Variants in SLC4A8 observed in about 807,000 individuals in gnomAD.
SLC4A8 encodes the protein electroneutral sodium bicarbonate exchanger 1.
Under a neutral mutation model 125.0 loss-of-function variants are expected in SLC4A8, and 40 were observed. The ratio of observed to expected loss-of-function variants is 0.32; its 90% CI spans 0.25 to 0.42. SLC4A8 has a LOEUF of 0.42. SLC4A8 is among the 10% of genes least tolerant of loss of function. The probability of loss-of-function intolerance (pLI) is 1.00; values close to 1 mark genes in which losing one functional copy is unlikely to be tolerated. For missense variants in SLC4A8, 863 were observed against 1,355.1 expected (o/e 0.64, Z 5.70); for synonymous variants, 456 against 476.0 (o/e 0.96, Z 0.55).
In SLC4A8 at chr12:51,471,415, C is replaced by T. The variant is rs757362096; in HGVS notation, c.1787C>T (p.Ala596Val). ...VCYITRFTEE[A>V]FASLICIIFI... is the part of the protein sequence containing the mutation. The stretch of plus-strand genomic sequence containing the variant: ...TACATTACCCGTTTCACTGAAGAAG[C>T]ATTTGCCTCCCTAATTTGCATTATT... The change falls in exon 14 of 25, where the codon GCA becomes GTA. Residue 596 changes from alanine (A) to valine (V), a missense_variant. By Grantham distance (64) the Ala-to-Val change is moderately conservative. Coordinates refer to ENST00000453097, the MANE Select transcript of SLC4A8 (RefSeq NM_001039960.3). 2 of 1,614,184 alleles carry T rather than the reference C, an allele frequency of 1.2e-6. No individual in the cohort carries two copies. The highest frequency in any genetic ancestry group is 1.7e-6 in the Non-Finnish European group (2 of 1,180,016).
At chr12:51,418,605 C>G (rs1948729462) in intron 1 of SLC4A8, among the ~76,000 whole-genome samples, 1 of 152,148 alleles carries the variant, frequency 6.6e-6, no homozygotes, top group Non-Finnish European at 1.5e-5. Context: ...GTAGAAAGGG[C>G]TAAAGAACTC....
chr12:51,482,285 TAAATA>T (rs567439534), intron 16 of SLC4A8, among the ~76,000 whole-genome samples: 122 of 152,258 alleles, frequency 8.0e-4, no homozygotes, highest in African/African-American at 2.7e-3. Context: ...ATATATCGAT[TAAATA>T]AAATAATAAT....
intron 2 of SLC4A8, among the ~76,000 whole-genome samples, chr12:51,442,559 T>A (rs1949634570): frequency 6.6e-6 from 1 of 152,216 alleles, no homozygotes; most frequent in African/African-American, 2.4e-5. Context: ...TCTTTATGCA[T>A]GTTCTACTTT....
chr12:51,504,177 C>A, intron 23 of SLC4A8, 57 bp downstream of exon 23: 2 of 1,065,200 alleles, frequency 1.9e-6, no homozygotes, highest in East Asian at 2.6e-5. Context: ...AGTGTTCTGG[C>A]TTTGTGGTGG....
In SLC4A8 at chr12:51,471,308, C is replaced by A. The variant is rs747488806; in HGVS notation, c.1680C>A (p.Leu560=). 1.9e-6 allele frequency: 3 copies of A among 1,612,874 alleles called. No individual in the cohort carries two copies. The highest frequency in any genetic ancestry group is 4.5e-5 in the East Asian group (2 of 44,898). The change falls in exon 14 of 25, where the codon CTC becomes CTA. Residue 560 remains leucine (L), a synonymous_variant. Transcript: ENST00000453097. ...KFCKDYALSY[L]SLRACIGLWT... ...TCAGAGACTATGCTCTTTCATACCTCTCCCTGCGAGCTTGTATTGGACTGT... is the reference window on the plus strand; with the variant it reads ...TCAGAGACTATGCTCTTTCATACCTATCCCTGCGAGCTTGTATTGGACTGT...
intron 2 of SLC4A8, among the ~76,000 whole-genome samples, chr12:51,443,294 C>T (rs1252664236): frequency 2.6e-5 from 4 of 152,080 alleles, no homozygotes; most frequent in Admixed American, 2.0e-4. Flanking sequence ...GCTATCCTTA[C>T]CCCATTTTAA....
At position 51,507,703 on chromosome 12, in the gene SLC4A8, T is replaced by TC. The variant is rs1938231079; in HGVS notation, c.*266dup. On this transcript the variant is annotated 3_prime_UTR_variant, in exon 25 of 25. Coordinates refer to ENST00000453097, the MANE Select transcript of SLC4A8 (RefSeq NM_001039960.3). ...TGGTTCTTCTCCTCTTCCTTCTTTT[T>TC]CTCTTTAGAACGGCCACCATTGAAG... The TC allele has an allele frequency of 2.9e-6, 1 of 344,534 alleles. No homozygotes were observed. Among genetic ancestry groups the TC allele is most frequent in the South Asian group, 1.4e-4 (1 of 7,030 alleles). The allele number at this position is 344,534 out of a possible 1,614,324, so 21.3% of individuals were successfully genotyped here.
rs1259825416 is a variant in SLC4A8 at position 51,513,345 on chromosome 12, G to A, written c.*5907G>A. 3 of 152,248 alleles carry A rather than the reference G, an allele frequency of 2.0e-5. No individual in the cohort carries two copies. The highest frequency in any genetic ancestry group is 1.9e-4 in the East Asian group (1 of 5,206). 9.4% of individuals were successfully genotyped at this position (152,248 alleles called of 1,614,324 possible). ...ACAGCTCCTGTCCCCATCTCTTTAT[G>A]TGTAGAGACCTGGATTTGGGGTAGT... On this transcript the variant is annotated 3_prime_UTR_variant, in exon 25 of 25. Transcript: ENST00000453097.
intron 1 of SLC4A8, among the ~76,000 whole-genome samples, chr12:51,401,140 T>C (rs1346317694): frequency 3.3e-5 from 5 of 152,208 alleles, no homozygotes; most frequent in African/African-American, 1.2e-4. Context: ...AGACGGAGCG[T>C]TCCTCTGTCG....
chr12:51,398,093 A>C (rs1268951944), intron 1 of SLC4A8, among the ~76,000 whole-genome samples: 1 of 152,098 alleles, frequency 6.6e-6, no homozygotes, highest in African/African-American at 2.4e-5. Flanking sequence ...TTATTTTTAC[A>C]AGTGAGAATT....
chr12:51,444,632 T>TC (rs1949713978), intron 2 of SLC4A8, among the ~76,000 whole-genome samples: 3 of 152,118 alleles, frequency 2.0e-5, no homozygotes. Context: ...CCTTCTGTAG[T>TC]CCCTTTCTGC....
intron 15 of SLC4A8, 112 bp from the exon 16 acceptor site, chr12:51,474,933 C>T: frequency 4.1e-6 from 4 of 975,218 alleles, no homozygotes; most frequent in African/African-American, 3.3e-5. Flanking sequence ...ATGCTGCTTG[C>T]AGCCTCTGCT....
upstream of SLC4A8, among the ~76,000 whole-genome samples, chr12:51,422,456 G>A (rs1948812575): frequency 1.3e-5 from 2 of 152,242 alleles, no homozygotes; most frequent in Middle Eastern, 3.4e-3. Flanking sequence ...CTGGGCTCAG[G>A]TGATCCTCCC....
intron 1 of SLC4A8, among the ~76,000 whole-genome samples, chr12:51,417,834 T>A (rs1948716812): frequency 6.6e-6 from 1 of 152,174 alleles, no homozygotes; most frequent in South Asian, 2.1e-4. Flanking sequence ...GTATTTTTAG[T>A]AGAGACAGGG....
At chr12:51,477,028 C>G (rs915022709) in intron 16 of SLC4A8, among the ~76,000 whole-genome samples, 1 of 151,602 alleles carries the variant, frequency 6.6e-6, no homozygotes, top group South Asian at 2.1e-4. Context: ...CTGCCTCAGC[C>G]TCCAAAGTAG....
chr12:51,406,565 C>T (rs1948493175), intron 1 of SLC4A8, among the ~76,000 whole-genome samples: 1 of 152,152 alleles, frequency 6.6e-6, no homozygotes, highest in Non-Finnish European at 1.5e-5. Context: ...GAAGAGGTGA[C>T]ATGACCTGGT....
intron 22 of SLC4A8, among the ~76,000 whole-genome samples, chr12:51,501,167 A>G (rs1393676702): frequency 4.6e-5 from 7 of 152,188 alleles, no homozygotes; most frequent in Non-Finnish European, 1.0e-4. Context: ...ATGGATTTCT[A>G]AAAAAAGTTA....
chr12:51,405,546 T>G (rs1485960336), intron 1 of SLC4A8, among the ~76,000 whole-genome samples: 6 of 152,202 alleles, frequency 3.9e-5, no homozygotes, highest in Admixed American at 1.3e-4. Context: ...TATGTTCATC[T>G]ATGGCCATTT....
chr12:51,426,941 CTTT>C (rs555144134), intron 1 of SLC4A8, among the ~76,000 whole-genome samples: 3 of 131,348 alleles, frequency 2.3e-5, no homozygotes, highest in African/African-American at 2.9e-5. Flanking sequence ...TTTTTCTTTT[CTTT>C]TTTTTTTTTT....
Sources: allele counts gnomAD v4.1 joint callset (sites outside exome capture counted in the v4.1 genomes callset), GRCh38; gene constraint gnomAD v4.1.1; transcripts MANE v1.5; gene names NCBI Gene and HGNC (gene_info 2026-07-23, HGNC 2026-07-21).